The following MAP2K1 variants were observed in gnomAD, a reference collection of about 807,000 sequenced individuals.
MAP2K1 encodes the protein dual specificity mitogen-activated protein kinase kinase 1.
In MAP2K1, 16 loss-of-function variants were observed where a neutral mutation model predicts 46.3. The ratio of observed to expected loss-of-function variants is 0.35; its 90% CI spans 0.23 to 0.52. MAP2K1 has a LOEUF of 0.52. Ranked by LOEUF, MAP2K1 falls within the 20% of genes least tolerant of loss-of-function variation. The pLI, the probability that MAP2K1 is intolerant of heterozygous loss-of-function variation, is 0.94. For missense variants in MAP2K1, 263 were observed against 497.1 expected (o/e 0.53, Z 4.48); for synonymous variants, 183 against 185.6 (o/e 0.99, Z 0.11).
chr15:66,456,742 C>T lies in MAP2K1; in HGVS notation c.568+12035C>T, dbSNP rs117780890. Among the ~76,000 whole-genome samples the T allele has an allele frequency of 7.5e-3, 1,136 of 152,262 alleles. 8 individuals carry two copies. Among genetic ancestry groups the T allele is most frequent in the Non-Finnish European group, 0.011 (769 of 67,988 alleles). ...AGGGGACTAGTGTTGCCTGGTGGGC[C>T]ACCCTGGGTTATACACTCACCCCTG... On this transcript the variant is annotated intron_variant, in intron 5 of 10. Coordinates refer to ENST00000307102, the MANE Select transcript of MAP2K1 (RefSeq NM_002755.4).
At chr15:66,431,401 C>T (rs2093474756) in intron 1 of MAP2K1, among the ~76,000 whole-genome samples, 2 of 152,132 alleles carry the variant, frequency 1.3e-5, no homozygotes, top group African/African-American at 4.8e-5. Flanking sequence ...AAAGCCACTA[C>T]AGGATCTTTG....
intron 1 of MAP2K1, among the ~76,000 whole-genome samples, chr15:66,398,638 T>C (rs2093373880): frequency 6.6e-6 from 1 of 151,782 alleles, no homozygotes; most frequent in African/African-American, 2.4e-5. Context: ...GGTGACAGAG[T>C]GAGACCCTGT....
At chr15:66,453,552 G>A (rs7169326) in intron 5 of MAP2K1, 699,294 of 702,334 alleles carry the variant, frequency 1, 348,186 homozygotes, top group East Asian at 1. Context: ...CAGTGAGTAG[G>A]TGATTCCTGG....
At chr15:66,420,825 A>T (rs1347847960) in intron 1 of MAP2K1, among the ~76,000 whole-genome samples, 3 of 112,334 alleles carry the variant, frequency 2.7e-5, no homozygotes, top group African/African-American at 8.9e-5. Flanking sequence ...GTGTATATAT[A>T]TATGTGTATA....
chr15:66,478,083 A>G (rs1892800723), intron 5 of MAP2K1, among the ~76,000 whole-genome samples: 1 of 151,744 alleles, frequency 6.6e-6, no homozygotes, highest in Admixed American at 6.6e-5. Context: ...CTCCTCCCGA[A>G]GTTCAGAATC....
chr15:66,388,037 C>G (rs1480031308), intron 1 of MAP2K1, among the ~76,000 whole-genome samples: 2 of 152,194 alleles, frequency 1.3e-5, no homozygotes, highest in Non-Finnish European at 2.9e-5. Flanking sequence ...AAGCGGCTTT[C>G]TTCTTCATCC....
intron 1 of MAP2K1, among the ~76,000 whole-genome samples, chr15:66,421,125 CAT>C (rs750242189): frequency 0.32 from 20,854 of 66,084 alleles, 1,798 homozygotes; most frequent in Middle Eastern, 0.41. Flanking sequence ...CACACACACA[CAT>C]ATATATATAT....
At chr15:66,400,896 C>T (rs2093380045) in intron 1 of MAP2K1, among the ~76,000 whole-genome samples, 1 of 152,024 alleles carries the variant, frequency 6.6e-6, no homozygotes, top group African/African-American at 2.4e-5. Flanking sequence ...ACCTTGAGCC[C>T]CTCCCTTTGA....
chr15:66,453,629 G>A (rs1314638434), intron 5 of MAP2K1: 8 of 698,690 alleles, frequency 1.1e-5, no homozygotes, highest in Non-Finnish European at 2.1e-5. Flanking sequence ...CTTCCTCATG[G>A]CCAGTTCTAC....
chr15:66,464,765 G>T (rs569766738), intron 5 of MAP2K1, among the ~76,000 whole-genome samples: 19 of 151,766 alleles, frequency 1.3e-4, no homozygotes, highest in African/African-American at 4.6e-4. Context: ...AACCTCAGGT[G>T]AATCCACCTG....
chr15:66,394,815 T>C (rs1212015887), intron 1 of MAP2K1, among the ~76,000 whole-genome samples: 1 of 152,324 alleles, frequency 6.6e-6, no homozygotes, highest in East Asian at 1.9e-4. Flanking sequence ...TGGATGCTTC[T>C]TTTGGGTAGT....
At chr15:66,420,840 TG>T (rs2093438661) in intron 1 of MAP2K1, among the ~76,000 whole-genome samples, 1 of 69,650 alleles carries the variant, frequency 1.4e-5, no homozygotes, top group Non-Finnish European at 3.7e-5. Context: ...TGTATATATA[TG>T]TGTGTATATA....
chr15:66,420,532 G>A (rs1027392001), intron 1 of MAP2K1, among the ~76,000 whole-genome samples: 1 of 151,554 alleles, frequency 6.6e-6, no homozygotes, highest in African/African-American at 2.4e-5. Flanking sequence ...CAGCCTGGGT[G>A]ACAGAGTAAC....
chr15:66,429,402 C>G (rs534247308), intron 1 of MAP2K1, among the ~76,000 whole-genome samples: 1 of 152,182 alleles, frequency 6.6e-6, no homozygotes, highest in Non-Finnish European at 1.5e-5. Context: ...AATCACCTCC[C>G]TCTCTCAACA....
At chr15:66,429,577 T>C (rs2093469033) in intron 1 of MAP2K1, among the ~76,000 whole-genome samples, 1 of 151,414 alleles carries the variant, frequency 6.6e-6, no homozygotes, top group Non-Finnish European at 1.5e-5. Context: ...TAGAGTAACC[T>C]GAAGGATTGA....
chr15:66,446,268 A>C (rs559280408), intron 5 of MAP2K1, among the ~76,000 whole-genome samples: 1 of 151,820 alleles, frequency 6.6e-6, no homozygotes, highest in South Asian at 2.1e-4. Context: ...ATGAAACCCT[A>C]TCTCTACTAA....
intron 5 of MAP2K1, among the ~76,000 whole-genome samples, chr15:66,465,749 T>C (rs911276345): frequency 2.6e-5 from 4 of 152,146 alleles, no homozygotes; most frequent in African/African-American, 9.7e-5. Flanking sequence ...ATTTTTTCTC[T>C]CTCCACTTTC....
Position 66,423,276 on chromosome 15 carries a change from A to G in MAP2K1, c.81-11751A>G, listed in dbSNP as rs1000437923. On this transcript the variant is annotated intron_variant, in intron 1 of 10. Coordinates refer to ENST00000307102, the MANE Select transcript of MAP2K1 (RefSeq NM_002755.4). Reference sequence around the variant, plus strand: ...GCTGAAATTCCTCATTTGTTCATACATGTTGTCACCTTTAACATATTAATC... The same window carrying G: ...GCTGAAATTCCTCATTTGTTCATACGTGTTGTCACCTTTAACATATTAATC... Among the ~76,000 whole-genome samples the G allele has an allele frequency of 2.6e-5, 4 of 152,198 alleles. No homozygotes were observed. In the South Asian group the frequency reaches 6.2e-4, roughly 24 times the overall value.
At chr15:66,478,585 A>G (rs539517040) in intron 5 of MAP2K1, among the ~76,000 whole-genome samples, 4 of 149,026 alleles carry the variant, frequency 2.7e-5, no homozygotes, top group African/African-American at 9.9e-5. Flanking sequence ...TGCAACTTCT[A>G]CCTCCCGGGT....
Sources: allele counts gnomAD v4.1 joint callset (sites outside exome capture counted in the v4.1 genomes callset), GRCh38; gene constraint gnomAD v4.1.1; transcripts MANE v1.5; gene names NCBI Gene and HGNC (gene_info 2026-07-23, HGNC 2026-07-21).